The following ELMO1 variants were observed in gnomAD, a reference collection of about 807,000 sequenced individuals.
ELMO1 encodes the protein engulfment and cell motility 1.
ELMO1 carries 26 observed loss-of-function variants against 98.9 expected under a neutral mutation model. That is an observed-to-expected ratio of 0.26 (90% confidence interval 0.19 to 0.36). The LOEUF (loss-of-function observed/expected upper bound fraction) is 0.36, where lower values mean the gene tolerates loss of function less well. Among genes scored for constraint, ELMO1 ranks in the 10% least tolerant of loss-of-function variants. The probability of loss-of-function intolerance (pLI) is 1.00; values close to 1 mark genes in which losing one functional copy is unlikely to be tolerated. For missense variants in ELMO1, 627 were observed against 935.2 expected, an observed-to-expected ratio of 0.67 and a Z score of 4.30; for synonymous variants, 346 against 346.0, an observed-to-expected ratio of 1.00 and a Z score of 0.00.
intron 5 of ELMO1, among the ~76,000 whole-genome samples, chr7:37,260,834 T>A (rs1202214294): frequency 6.6e-6 from 1 of 152,154 alleles, no homozygotes; most frequent in Non-Finnish European, 1.5e-5. Context: ...AACCCACACA[T>A]CACTCAAATA....
chr7:37,263,974 A>C lies in ELMO1; in HGVS notation c.244-4624T>G, dbSNP rs540351952. 1.4e-3 allele frequency among the ~76,000 whole-genome samples: 207 copies of C among 152,332 alleles called. 2 individuals are homozygous for C. The highest frequency in any genetic ancestry group is 2.6e-3 in the Admixed American group (40 of 15,300). The stretch of plus-strand genomic sequence containing the variant: ...CAGCATTCATAGCCAAACATTGAGC[A>C]ACCATCGTGTTTACCAATAGGACAA... On this transcript the variant is annotated intron_variant, in intron 5 of 21. Coordinates refer to ENST00000310758, the MANE Select transcript of ELMO1 (RefSeq NM_014800.11).
At chr7:37,371,853 C>T (rs906644111) in intron 1 of ELMO1, among the ~76,000 whole-genome samples, 4 of 152,128 alleles carry the variant, frequency 2.6e-5, no homozygotes, top group South Asian at 2.1e-4. Flanking sequence ...GAAGAGCAGC[C>T]GATTTCCGTT....
chr7:37,236,947 A>C (rs940800051), intron 7 of ELMO1, among the ~76,000 whole-genome samples: 1 of 152,216 alleles, frequency 6.6e-6, no homozygotes, highest in Non-Finnish European at 1.5e-5. Context: ...AAGAATTACA[A>C]ATATAAAGCA....
At chr7:37,141,415 T>G (rs1390554195) in intron 13 of ELMO1, among the ~76,000 whole-genome samples, 1 of 152,152 alleles carries the variant, frequency 6.6e-6, no homozygotes, top group Non-Finnish European at 1.5e-5. Context: ...TTGGGTACAG[T>G]GTACACTGCT....
Position 37,225,854 on chromosome 7 carries a change from T to C in ELMO1, c.550-824A>G, listed in dbSNP as rs188864723. On this transcript the variant is annotated intron_variant, in intron 8 of 21. Coordinates refer to ENST00000310758, the MANE Select transcript of ELMO1 (RefSeq NM_014800.11). ...ATTTTAGAGGCCTCATTAAAAGTTA[T>C]TACTGTCTGTTGACAGCTCACAATA... Among the ~76,000 whole-genome samples the C allele has an allele frequency of 7.3e-4, 111 of 152,344 alleles. 1 individual carries two copies. The highest frequency in any genetic ancestry group is 2.4e-3 in the African/African-American group (101 of 41,574).
intron 4 of ELMO1, among the ~76,000 whole-genome samples, chr7:37,297,510 C>A (rs1798095704): frequency 6.6e-6 from 1 of 151,226 alleles, no homozygotes; most frequent in Non-Finnish European, 1.5e-5. Flanking sequence ...GACACAATTT[C>A]TTTGACTCAT....
intron 1 of ELMO1, among the ~76,000 whole-genome samples, chr7:37,386,079 G>A (rs979588014): frequency 5.9e-5 from 9 of 152,196 alleles, no homozygotes; most frequent in African/African-American, 1.9e-4. Flanking sequence ...TTAAGGAAGT[G>A]CCTGCAACCC....
intron 1 of ELMO1, among the ~76,000 whole-genome samples, chr7:37,395,850 C>T (rs1027033206): frequency 6.6e-6 from 1 of 152,188 alleles, no homozygotes; most frequent in South Asian, 2.1e-4. Context: ...TGTAGTGCTA[C>T]AAGGAATAAA....
chr7:37,173,364 C>A (rs1326375278), intron 13 of ELMO1, among the ~76,000 whole-genome samples: 1 of 151,646 alleles, frequency 6.6e-6, no homozygotes, highest in African/African-American at 2.4e-5. Flanking sequence ...TGAGGGAGTA[C>A]AAGCCACGTC....
chr7:37,345,589 C>T (rs996796017), intron 1 of ELMO1, among the ~76,000 whole-genome samples: 1 of 151,598 alleles, frequency 6.6e-6, no homozygotes, highest in Non-Finnish European at 1.5e-5. Context: ...TGCTTGTAAT[C>T]GCAGCTACTC....
rs1193500159 is a variant in ELMO1, at chr7:36,911,711, C to T, written c.1438-16694G>A. The stretch of plus-strand genomic sequence containing the variant: ...AGCATTGTCTACTGCAGAATCTGTC[C>T]CTTCCTCTAGTTAAGATCACCAAAA... On this transcript the variant is annotated intron_variant, in intron 16 of 21. Coordinates refer to ENST00000310758, the MANE Select transcript of ELMO1 (RefSeq NM_014800.11). 2.6e-5 allele frequency among the ~76,000 whole-genome samples: 4 copies of T among 152,130 alleles called. No individual in the cohort carries two copies. In the East Asian group the frequency reaches 7.7e-4, roughly 29 times the overall value.
intron 14 of ELMO1, among the ~76,000 whole-genome samples, chr7:37,104,832 T>A (rs1288957337): frequency 6.6e-6 from 1 of 150,964 alleles, no homozygotes; most frequent in Non-Finnish European, 1.5e-5. Context: ...TGTATTAATA[T>A]AATGAGTCAG....
chr7:37,207,436 C>G (rs1792699492), intron 13 of ELMO1, among the ~76,000 whole-genome samples: 1 of 151,328 alleles, frequency 6.6e-6, no homozygotes, highest in African/African-American at 2.4e-5. Context: ...CCTGTAGTCC[C>G]AGCTATTCAG....
At chr7:36,973,753 G>A (rs878889695) in intron 16 of ELMO1, among the ~76,000 whole-genome samples, 11 of 152,208 alleles carry the variant, frequency 7.2e-5, no homozygotes, top group Admixed American at 5.9e-4. Context: ...AGGGAGAGGC[G>A]CGAGCGGGAA....
At chr7:36,908,611 C>A (rs953892443) in intron 16 of ELMO1, among the ~76,000 whole-genome samples, 1 of 151,686 alleles carries the variant, frequency 6.6e-6, no homozygotes, top group Non-Finnish European at 1.5e-5. Context: ...TGTAAAGTGA[C>A]AATCAAAGCC....
chr7:36,946,696 T>C (rs1327928245), intron 16 of ELMO1, among the ~76,000 whole-genome samples: 1 of 152,232 alleles, frequency 6.6e-6, no homozygotes, highest in Non-Finnish European at 1.5e-5. Flanking sequence ...CTTCTACTTC[T>C]CTGATTATCC....
At chr7:37,359,543 TC>T (rs1467748487) in intron 1 of ELMO1, among the ~76,000 whole-genome samples, 2 of 152,178 alleles carry the variant, frequency 1.3e-5, no homozygotes, top group African/African-American at 4.8e-5. Context: ...CATTCAGTCC[TC>T]ACAACAGCCC....
intron 7 of ELMO1, among the ~76,000 whole-genome samples, chr7:37,233,450 C>A (rs575964020): frequency 2.0e-5 from 3 of 152,316 alleles, no homozygotes; most frequent in Admixed American, 2.0e-4. Flanking sequence ...CACCAACTCT[C>A]GTTCTGGTGA....
chr7:37,078,251 C>A lies in ELMO1; in HGVS notation c.1300+18368G>T, dbSNP rs1003442713. ...AATACTGTTTTATGAAGGAAGGGAC[C>A]CACAAAGGCAAAAGTACCTAGGGCA... On this transcript the variant is annotated intron_variant, in intron 15 of 21. Coordinates refer to ENST00000310758, the MANE Select transcript of ELMO1 (RefSeq NM_014800.11). Among the ~76,000 whole-genome samples, 6 of 152,138 alleles carry A rather than the reference C, an allele frequency of 3.9e-5. No individual in the cohort carries two copies. The East Asian group carries it at 1.2e-3, about 29-fold the overall frequency.
Sources: gnomAD v4.1 joint callset for allele counts (sites outside exome capture counted in the v4.1 genomes callset) on GRCh38, gnomAD v4.1.1 for gene constraint, MANE v1.5 for transcripts, NCBI Gene and HGNC (gene_info 2026-07-23, HGNC 2026-07-21) for gene names.